The following RASSF4 variants were observed in gnomAD, a reference collection of about 807,000 sequenced individuals.
The protein encoded by RASSF4 is Ras association domain family member 4.
RASSF4 carries 38 observed loss-of-function variants against 41.1 expected under a neutral mutation model. The ratio of observed to expected loss-of-function variants is 0.92; its 90% CI spans 0.71 to 1.21. The LOEUF (loss-of-function observed/expected upper bound fraction) is 1.21. RASSF4 is among the 50% of genes most tolerant of loss of function. The pLI is 0.00. For synonymous variants in RASSF4, 179 were observed against 163.4 expected (o/e 1.10, Z -0.73); for missense variants, 414 against 419.4 (o/e 0.99, Z 0.11).
At chr10:44,978,046 A>T in intron 3 of RASSF4, 1 of 1,594,638 alleles carries the variant, frequency 6.3e-7, no homozygotes, top group Non-Finnish European at 8.5e-7. Flanking sequence ...TGGCGAGAGG[A>T]GGTGGCAACC....
chr10:44,983,981 C>A, intron 4 of RASSF4, 41 bp from the exon 5 acceptor site: 1 of 1,558,046 alleles, frequency 6.4e-7, no homozygotes. Flanking sequence ...CTCCCTTTCT[C>A]TGCCGGCAGC....
chr10:44,985,919 G>A (rs973906572), intron 6 of RASSF4, among the ~76,000 whole-genome samples: 8 of 152,184 alleles, frequency 5.3e-5, no homozygotes, highest in African/African-American at 1.9e-4. Flanking sequence ...CTATTCCAAA[G>A]TAGAGTCTCC....
At chr10:44,983,298 G>T in intron 4 of RASSF4, 1 of 237,308 alleles carries the variant, frequency 4.2e-6, no homozygotes, top group Non-Finnish European at 8.5e-6. Flanking sequence ...AACCCATGCT[G>T]TGACAGCACC....
At chr10:44,961,235 G>T (rs1297864105) in intron 1 of RASSF4, among the ~76,000 whole-genome samples, 2 of 152,232 alleles carry the variant, frequency 1.3e-5, no homozygotes, top group Non-Finnish European at 2.9e-5. Context: ...ACAGATTAAA[G>T]TGTCTGTCTG....
intron 3 of RASSF4, among the ~76,000 whole-genome samples, chr10:44,972,172 C>G (rs957885346): frequency 1.1e-4 from 16 of 152,066 alleles, no homozygotes; most frequent in African/African-American, 3.6e-4. Flanking sequence ...AGAACAGGTC[C>G]GTCCTCAGCC....
chr10:44,988,023 G>A (rs1253297454), intron 6 of RASSF4, among the ~76,000 whole-genome samples: 1 of 152,146 alleles, frequency 6.6e-6, no homozygotes, highest in Non-Finnish European at 1.5e-5. Flanking sequence ...ACCTCCTTGG[G>A]AAAACAGAGC....
rs1352131604 is a variant in RASSF4, at chr10:44,994,509, G to GC, written c.*1183dup. ...ATGCATGTAGAAGCTCCTTACGGGT[G>GC]CCCATCAAGAGCATAGCTTGGAAGC... On this transcript the variant is annotated 3_prime_UTR_variant, in exon 11 of 11. Coordinates refer to ENST00000340258, the MANE Select transcript of RASSF4 (RefSeq NM_032023.4). 1 of 152,402 alleles carries GC rather than the reference G, an allele frequency of 6.6e-6. No homozygotes were observed. The highest frequency in any genetic ancestry group is 1.5e-5 in the Non-Finnish European group (1 of 68,034). 9.4% of individuals were successfully genotyped at this position (152,402 alleles called of 1,614,324 possible).
At chr10:44,966,050 C>T (rs1840891797) in intron 1 of RASSF4, among the ~76,000 whole-genome samples, 1 of 152,176 alleles carries the variant, frequency 6.6e-6, no homozygotes, top group Admixed American at 6.5e-5. Context: ...CACTGTCAAC[C>T]ACGGCAATCC....
At chr10:44,990,853 G>T in intron 8 of RASSF4, 95 bp from the exon 9 acceptor site, 1 of 1,324,478 alleles carries the variant, frequency 7.6e-7, no homozygotes, top group Non-Finnish European at 1.0e-6. Context: ...GGTTCCCTGC[G>T]CCCCTAGACG....
chr10:44,970,408 T>C, intron 2 of RASSF4, 144 bp downstream of exon 2: 1 of 662,994 alleles, frequency 1.5e-6, no homozygotes, highest in South Asian at 1.8e-5. Flanking sequence ...GGGTGCTTCT[T>C]TTTGAGCCTG....
intron 4 of RASSF4, chr10:44,982,874 T>C: frequency 1.4e-6 from 1 of 709,644 alleles, no homozygotes; most frequent in Non-Finnish European, 2.6e-6. Context: ...CAGGCTCCCA[T>C]GACCTCTATT....
chr10:44,992,308 A>C (rs535416910), intron 10 of RASSF4, among the ~76,000 whole-genome samples: 1 of 152,364 alleles, frequency 6.6e-6, no homozygotes, highest in Non-Finnish European at 1.5e-5. Flanking sequence ...CAGGAACCCA[A>C]GTGGGCGCTG....
rs897521384 is a variant in RASSF4, at chr10:44,993,631, C to T, written c.*302C>T. 2 of 367,474 alleles carry T rather than the reference C, an allele frequency of 5.4e-6. No individual in the cohort carries two copies. The highest frequency in any genetic ancestry group is 7.7e-5 in the Admixed American group (2 of 26,030). The allele number at this position is 367,474 out of a possible 1,614,324, so 22.8% of individuals were successfully genotyped here. On this transcript the variant is annotated 3_prime_UTR_variant, in exon 11 of 11. Coordinates refer to ENST00000340258, the MANE Select transcript of RASSF4 (RefSeq NM_032023.4). ...ACTGGAGAGCAGTGCTGGCCCAGCC[C>T]CTGCGGCTTAGGCTTCATCTGCTTG...
chr10:44,978,199 G>C (rs57320045), intron 3 of RASSF4: 1 of 629,300 alleles, frequency 1.6e-6, no homozygotes, highest in East Asian at 3.1e-5. Context: ...CCAGAGCTCC[G>C]ACTGCTGGGA....
intron 3 of RASSF4, among the ~76,000 whole-genome samples, chr10:44,979,261 C>T (rs927648683): frequency 9.2e-5 from 14 of 152,194 alleles, no homozygotes; most frequent in Admixed American, 7.9e-4. Flanking sequence ...ACACCCTGCT[C>T]GCAAGGGACC....
chr10:44,961,357 G>A (rs944569457), intron 1 of RASSF4, among the ~76,000 whole-genome samples: 2 of 152,246 alleles, frequency 1.3e-5, no homozygotes, highest in African/African-American at 4.8e-5. Context: ...AGTGGACCAT[G>A]ACAGATAACA....
At chr10:44,985,934 A>G (rs1841905427) in intron 6 of RASSF4, among the ~76,000 whole-genome samples, 1 of 152,200 alleles carries the variant, frequency 6.6e-6, no homozygotes, top group Admixed American at 6.5e-5. Context: ...GTCTCCTGAG[A>G]GAGTAAAGGG....
chr10:44,973,891 A>AACCC (rs1305780434), intron 3 of RASSF4, among the ~76,000 whole-genome samples: 1 of 152,200 alleles, frequency 6.6e-6, no homozygotes, highest in Non-Finnish European at 1.5e-5. Context: ...ATAGAAAGTT[A>AACCC]ACCCACTAGG....
At chr10:44,961,544 C>T (rs1195772757) in intron 1 of RASSF4, among the ~76,000 whole-genome samples, 1 of 152,248 alleles carries the variant, frequency 6.6e-6, no homozygotes, top group African/African-American at 2.4e-5. Context: ...GCCACTCCTG[C>T]AGGCAGGCCT....
Sources: allele counts gnomAD v4.1 joint callset (sites outside exome capture counted in the v4.1 genomes callset), GRCh38; gene constraint gnomAD v4.1.1; transcripts MANE v1.5; gene names NCBI Gene and HGNC (gene_info 2026-07-23, HGNC 2026-07-21).